ST14: variants seen among roughly 807,000 people sequenced by gnomAD.
ST14 encodes ST14 transmembrane serine protease matriptase.
ST14 carries 40 observed loss-of-function variants against 96.5 expected under a neutral mutation model. The observed-to-expected ratio is 0.41, with a 90% CI of 0.32 to 0.54. The LOEUF (loss-of-function observed/expected upper bound fraction) is 0.54, where lower values mean the gene tolerates loss of function less well. ST14 is among the 20% of genes least tolerant of loss of function. The pLI is 0.17. For synonymous variants in ST14, 506 were observed against 492.1 expected, an observed-to-expected ratio of 1.03 and a Z score of -0.37; for missense variants, 1,066 against 1,188.9, an observed-to-expected ratio of 0.90 and a Z score of 1.52.
At position 130,197,517 on chromosome 11, in the gene ST14, ACAGGGCAGGG is replaced by A. The variant is rs543679686; in HGVS notation, c.1355-312_1355-303del. ...TCAGGGGCACCAGGCAGCCCAGCAC[ACAGGGCAGGG>A]CAGGGCAGGGCCTGCGACCAGCTGG... On this transcript the variant is annotated intron_variant, in intron 11 of 18. Coordinates refer to ENST00000278742, the MANE Select transcript of ST14 (RefSeq NM_021978.4). Among the ~76,000 whole-genome samples, 40 of 152,320 alleles carry A rather than the reference ACAGGGCAGGG, an allele frequency of 2.6e-4. No individual in the cohort carries two copies. The South Asian group carries it at 6.0e-3, about 23-fold the overall frequency.
At chr11:130,190,089 T>A in intron 5 of ST14, 24 bp from the exon 6 acceptor site, 1 of 1,614,180 alleles carries the variant, frequency 6.2e-7, no homozygotes, top group Non-Finnish European at 8.5e-7. Context: ...CAGGAAATGC[T>A]TTATTCTCCT....
At position 130,208,620 on chromosome 11, in the gene ST14, C is replaced by T. The variant is rs1197469047; in HGVS notation, c.2205C>T (p.Ala735=). Residue 735 remains alanine, a synonymous_variant, in exon 17 of 19, where the codon GCC becomes GCT. Transcript: ENST00000278742. ...TGCGGCCCATCTGCCTGCCGGACGCCTCCCATGTCTTCCCTGCCGGCAAGG... is the reference window on the plus strand; with the variant it reads ...TGCGGCCCATCTGCCTGCCGGACGCTTCCCATGTCTTCCCTGCCGGCAAGG... ...SMVRPICLPD[A]SHVFPAGKAI... is the part of the protein sequence containing the mutation. The T allele has an allele frequency of 1.2e-6, 2 of 1,614,042 alleles. No homozygotes were observed. Among genetic ancestry groups the T allele is most frequent in the Admixed American group, 3.3e-5 (2 of 60,024 alleles).
intron 1 of ST14, among the ~76,000 whole-genome samples, chr11:130,174,491 C>T (rs1470175125): frequency 8.0e-6 from 1 of 125,418 alleles, no homozygotes; most frequent in African/African-American, 3.0e-5. Context: ...GCTGCTTCTC[C>T]TGGGGGTGAG....
At position 130,160,000 on chromosome 11, in the gene ST14, C is replaced by T. The variant is rs372702262; in HGVS notation, c.21C>T (p.Arg7=). The part of the protein sequence containing the change: MGSDRA[R]KGGGGPKDFG... ...GGACCATGGGGAGCGATCGGGCCCG[C>T]AAGGGCGGAGGGGGCCCGAAGGACT... is the stretch of plus-strand genomic sequence containing the variant. Residue 7 remains arginine (R), a synonymous_variant, in exon 1 of 19, where the codon CGC becomes CGT. Coordinates refer to ENST00000278742, the MANE Select transcript of ST14 (RefSeq NM_021978.4). The T allele has an allele frequency of 5.0e-4, 703 of 1,414,390 alleles. 8 individuals carry two copies. The African/African-American group carries it at 7.1e-3, about 14-fold the overall frequency. The allele number at this position is 1,414,390 out of a possible 1,614,324, so 87.6% of individuals were successfully genotyped here.
chr11:130,168,805 C>T (rs944721932), intron 1 of ST14, among the ~76,000 whole-genome samples: 9 of 152,086 alleles, frequency 5.9e-5, no homozygotes, highest in Admixed American at 5.9e-4. Context: ...GTCCTTTCCC[C>T]AAAACAGGTG....
In ST14 at chr11:130,188,248, C is replaced by A. The variant is rs545094765; in HGVS notation, c.216C>A (p.Ile72=). Reference sequence around the variant, plus strand: ...GCCTCCTCTTGGTCTTGCTGGGGATCGGCTTCCTGGTGTGGCATTTGCAGT... The same window carrying A: ...GCCTCCTCTTGGTCTTGCTGGGGATAGGCTTCCTGGTGTGGCATTTGCAGT... ...LIGLLLVLLG[I]GFLVWHLQYR... is the part of the protein sequence containing the mutation. The change falls in exon 2 of 19, where the codon ATC becomes ATA. Residue 72 remains isoleucine, a synonymous_variant. Transcript: ENST00000278742. This position sits in a 1 kb window ranked among gnomAD's most constrained non-coding sequence, Gnocchi z 5.4. 1 of 1,613,720 alleles carries A rather than the reference C, an allele frequency of 6.2e-7. No homozygotes were observed. The highest frequency in any genetic ancestry group is 2.2e-5 in the East Asian group (1 of 44,890).
chr11:130,164,800 T>C (rs1953028423), intron 1 of ST14, among the ~76,000 whole-genome samples: 2 of 151,554 alleles, frequency 1.3e-5, no homozygotes, highest in Non-Finnish European at 2.9e-5. Flanking sequence ...TGCAATGGTG[T>C]GATCTCAGCT....
At chr11:130,161,223 C>G (rs958109236) in intron 1 of ST14, among the ~76,000 whole-genome samples, 1 of 152,228 alleles carries the variant, frequency 6.6e-6, no homozygotes, top group Admixed American at 6.5e-5. Flanking sequence ...TCACCCTCAG[C>G]AAGGAGGAAA....
rs1342920862 is a variant in ST14, at chr11:130,187,931, A to G, written c.82-183A>G. On this transcript the variant is annotated intron_variant, in intron 1 of 18. Coordinates refer to ENST00000278742, the MANE Select transcript of ST14 (RefSeq NM_021978.4). The surrounding 1 kb of genome is among the most constrained non-coding windows in gnomAD (Gnocchi z 4.5). ...TCCTCCCAGAGCATGCCCAGGGTTC[A>G]TGTCCCGGGGTCTGCGCTCTGGGCA... Among the ~76,000 whole-genome samples the G allele has an allele frequency of 6.6e-6, 1 of 152,178 alleles. No individual in the cohort carries two copies. The highest frequency in any genetic ancestry group is 6.5e-5 in the Admixed American group (1 of 15,282).
intron 1 of ST14, among the ~76,000 whole-genome samples, chr11:130,176,311 G>A (rs761498056): frequency 3.3e-5 from 5 of 151,388 alleles, no homozygotes; most frequent in Middle Eastern, 3.5e-3. Context: ...TCTGCAGGGG[G>A]TTCCCTTGGT....
chr11:130,198,194 G>T (rs1953388295), intron 12 of ST14, 114 bp from the exon 13 acceptor site: 3 of 1,076,336 alleles, frequency 2.8e-6, no homozygotes, highest in African/African-American at 1.5e-5. Flanking sequence ...AGGGCCCCTT[G>T]GGCCTCTCTG....
At chr11:130,185,107 A>G (rs987384312) in intron 1 of ST14, among the ~76,000 whole-genome samples, 1 of 152,232 alleles carries the variant, frequency 6.6e-6, no homozygotes, top group African/African-American at 2.4e-5. Context: ...AGTCTTCAAC[A>G]TGGAAGAAAA....
rs370213021 is a variant in ST14 at position 130,196,459 on chromosome 11, G to A, written c.1223+11G>A. The A allele has an allele frequency of 1.7e-4, 271 of 1,600,086 alleles. 1 individual carries two copies. Among genetic ancestry groups the A allele is most frequent in the Non-Finnish European group, 2.0e-4 (236 of 1,172,586 alleles). ...GATCAACGGGGAGAAGTGAGTCCCC[G>A]GGGGTATGGGGGCTGCCGGGCCCAT... On this transcript the variant is annotated intron_variant, in intron 10 of 18. Coordinates refer to ENST00000278742, the MANE Select transcript of ST14 (RefSeq NM_021978.4).
At chr11:130,169,136 C>G (rs1319784312) in intron 1 of ST14, among the ~76,000 whole-genome samples, 3 of 140,208 alleles carry the variant, frequency 2.1e-5, no homozygotes, top group Non-Finnish European at 3.0e-5. Context: ...CTGCTCTGTC[C>G]CAGGCTGGAG....
chr11:130,189,055 G>A (rs898378591), intron 4 of ST14, 116 bp downstream of exon 4: 2 of 1,127,130 alleles, frequency 1.8e-6, no homozygotes, highest in Admixed American at 2.0e-5. Context: ...GGCCTGGAGA[G>A]CCAAGGAGGG....
intron 4 of ST14, 131 bp from the exon 5 acceptor site, chr11:130,189,608 C>A: frequency 1.7e-6 from 2 of 1,189,746 alleles, no homozygotes; most frequent in Non-Finnish European, 2.4e-6. Context: ...ACAAGAGGAG[C>A]TGGGGAAGGG....
chr11:130,187,164 G>C lies in ST14; in HGVS notation c.82-950G>C, dbSNP rs1565622723. Among the ~76,000 whole-genome samples, 1 of 152,172 alleles carries C rather than the reference G, an allele frequency of 6.6e-6. No homozygotes were observed. The highest frequency in any genetic ancestry group is 1.5e-5 in the Non-Finnish European group (1 of 68,038). ...TGTGGGATGGGCTGTTGCTTTTGTTGTGAGCCGTATTGAGTGGGCGTGAGG... is the reference window on the plus strand; with the variant it reads ...TGTGGGATGGGCTGTTGCTTTTGTTCTGAGCCGTATTGAGTGGGCGTGAGG... On this transcript the variant is annotated intron_variant, in intron 1 of 18. Transcript: ENST00000278742. This position sits in a 1 kb window ranked among gnomAD's most constrained non-coding sequence, Gnocchi z 4.5.
intron 1 of ST14, among the ~76,000 whole-genome samples, chr11:130,180,327 G>T (rs1953180452): frequency 6.6e-6 from 1 of 152,218 alleles, no homozygotes; most frequent in African/African-American, 2.4e-5. Flanking sequence ...GAGGTTTCCA[G>T]GTTCAGCCGC....
chr11:130,200,177 C>G, intron 16 of ST14, 40 bp downstream of exon 16: 1 of 1,608,586 alleles, frequency 6.2e-7, no homozygotes, highest in Non-Finnish European at 8.5e-7. Flanking sequence ...TCCTTGCTGG[C>G]CCTTTGCATC....
Sources: gnomAD v4.1 joint callset for allele counts (sites outside exome capture counted in the v4.1 genomes callset) on GRCh38, gnomAD v4.1.1 for gene constraint, Gnocchi (gnomAD v3.1) non-coding constraint, MANE v1.5 for transcripts, NCBI Gene and HGNC (gene_info 2026-07-23, HGNC 2026-07-21) for gene names.